Variants in OPHN1 observed in about 807,000 individuals in gnomAD.
The protein encoded by OPHN1 is oligophrenin-1.
Under a neutral mutation model 60.7 loss-of-function variants are expected in OPHN1, and 11 were observed. The observed-to-expected ratio is 0.18, with a 90% confidence interval of 0.11 to 0.30. OPHN1 has a LOEUF of 0.30. Ranked by LOEUF, OPHN1 falls within the 10% of genes least tolerant of loss-of-function variation. The probability of loss-of-function intolerance (pLI) is 1.00; values close to 1 mark genes in which losing one functional copy is unlikely to be tolerated. For missense variants in OPHN1, 449 were observed against 611.0 expected (o/e 0.73, Z 2.80); for synonymous variants, 226 against 222.6 (o/e 1.02, Z -0.14).
chrX:68,261,563 A>G (rs914178713), intron 5 of OPHN1, among the ~76,000 whole-genome samples: 1 of 111,342 alleles, frequency 9.0e-6, no homozygotes, highest in African/African-American at 3.3e-5. Flanking sequence ...TAAAGTGTAC[A>G]CATGGGGAAG....
At chrX:68,398,189 G>A (rs1468355877) in intron 2 of OPHN1, among the ~76,000 whole-genome samples, 1 of 111,893 alleles carries the variant, frequency 8.9e-6, no homozygotes, top group Non-Finnish European at 1.9e-5. Flanking sequence ...ATTTTGGGGA[G>A]ACACTTTAAT....
chrX:68,076,323 A>G (rs2076953500), intron 19 of OPHN1, among the ~76,000 whole-genome samples: 1 of 110,338 alleles, frequency 9.1e-6, no homozygotes, highest in Non-Finnish European at 1.9e-5. Flanking sequence ...ACCATACCAC[A>G]TGTTGAAAAG....
chrX:68,377,400 CTTTT>C (rs1197999479), intron 2 of OPHN1, among the ~76,000 whole-genome samples: 9 of 107,167 alleles, frequency 8.4e-5, no homozygotes, highest in African/African-American at 2.7e-4. Context: ...CCAGCCTTCT[CTTTT>C]TTTTTATTTT....
intron 15 of OPHN1, among the ~76,000 whole-genome samples, chrX:68,129,662 T>C (rs185337758): frequency 2.7e-5 from 3 of 112,189 alleles, no homozygotes; most frequent in African/African-American, 3.2e-5. Flanking sequence ...AAAACAACTA[T>C]AGAAAGTTAC....
intron 3 of OPHN1, among the ~76,000 whole-genome samples, chrX:68,294,561 A>G (rs763113421): frequency 1.2e-4 from 13 of 107,895 alleles, no homozygotes; most frequent in African/African-American, 4.4e-4. Flanking sequence ...TCATGGTGCT[A>G]TGGTGACATT....
At chrX:68,125,930 AATATATATATATAT>A (rs59058075) in intron 15 of OPHN1, among the ~76,000 whole-genome samples, 389 of 22,261 alleles carry the variant, frequency 0.017, 23 homozygotes, top group African/African-American at 0.04. Flanking sequence ...ACCACTGATC[AATATATATATATAT>A]ATATATATAT....
At chrX:68,181,324 C>T (rs1039883503) in intron 15 of OPHN1, among the ~76,000 whole-genome samples, 3 of 111,407 alleles carry the variant, frequency 2.7e-5, no homozygotes, top group African/African-American at 9.8e-5. Context: ...CTGATAAGAT[C>T]CTGCAAAATC....
intron 20 of OPHN1, among the ~76,000 whole-genome samples, chrX:68,069,136 G>A (rs2147366074): frequency 8.9e-6 from 1 of 112,008 alleles, no homozygotes; most frequent in African/African-American, 3.2e-5. Context: ...CTGTCCCAAA[G>A]CCCTCATCAC....
chrX:68,368,216 C>T (rs1040541957), intron 2 of OPHN1, among the ~76,000 whole-genome samples: 1 of 110,786 alleles, frequency 9.0e-6, no homozygotes, highest in Non-Finnish European at 1.9e-5. Flanking sequence ...GAATGGTTTC[C>T]TTGGACAATG....
At chrX:68,409,071 C>T (rs1358582321) in intron 2 of OPHN1, among the ~76,000 whole-genome samples, 1 of 112,499 alleles carries the variant, frequency 8.9e-6, no homozygotes, top group Non-Finnish European at 1.9e-5. Flanking sequence ...AAGTCTCAAT[C>T]GACATTTCCT....
At chrX:68,203,163 G>A (rs2077542895) in intron 10 of OPHN1, among the ~76,000 whole-genome samples, 1 of 111,496 alleles carries the variant, frequency 9.0e-6, no homozygotes, top group South Asian at 3.8e-4. Context: ...GCTGAGGCAG[G>A]AGAATCGCTT....
At chrX:68,069,153 G>C (rs985355712) in intron 20 of OPHN1, among the ~76,000 whole-genome samples, 6 of 111,990 alleles carry the variant, frequency 5.4e-5, no homozygotes, top group African/African-American at 1.9e-4. Context: ...TCACCACAGA[G>C]GGGCAAATTG....
chrX:68,085,409 C>T (rs1247527367), intron 19 of OPHN1, among the ~76,000 whole-genome samples: 1 of 112,138 alleles, frequency 8.9e-6, no homozygotes, highest in Non-Finnish European at 1.9e-5. Flanking sequence ...CCTTGCTTTA[C>T]TTTTTCTTCA....
intron 2 of OPHN1, among the ~76,000 whole-genome samples, chrX:68,337,366 G>A (rs949355781): frequency 7.2e-5 from 8 of 111,176 alleles, no homozygotes; most frequent in Admixed American, 4.9e-4. Flanking sequence ...TAACAGCACC[G>A]AATGCAAAAT....
intron 9 of OPHN1, among the ~76,000 whole-genome samples, chrX:68,207,191 C>T (rs2077563533): frequency 9.4e-6 from 1 of 106,908 alleles, no homozygotes; most frequent in Admixed American, 1.0e-4. Flanking sequence ...TGCAGTGGCG[C>T]AATCTCAGCT....
intron 2 of OPHN1, among the ~76,000 whole-genome samples, chrX:68,429,847 C>T (rs1433195788): frequency 9.0e-6 from 1 of 111,274 alleles, no homozygotes; most frequent in African/African-American, 3.3e-5. Flanking sequence ...ACCAGCCTGG[C>T]CAATATGGTG....
intron 2 of OPHN1, among the ~76,000 whole-genome samples, chrX:68,401,471 C>T (rs1221079097): frequency 8.9e-6 from 1 of 112,194 alleles, no homozygotes; most frequent in Non-Finnish European, 1.9e-5. Flanking sequence ...CCCTAAGTTT[C>T]AAATTGTACC....
chrX:68,129,956 T>C (rs1053254961), intron 15 of OPHN1, among the ~76,000 whole-genome samples: 26 of 111,579 alleles, frequency 2.3e-4, no homozygotes, highest in Admixed American at 9.5e-5. Context: ...CAGTTGTATT[T>C]TGGGCTCTTA....
chrX:68,399,622 C>T (rs1465354874), intron 2 of OPHN1, among the ~76,000 whole-genome samples: 2 of 110,568 alleles, frequency 1.8e-5, no homozygotes, highest in Non-Finnish European at 3.8e-5. Flanking sequence ...GAGCCGAGAT[C>T]GTGCCACTGC....
Sources: gnomAD v4.1 joint callset for allele counts (sites outside exome capture counted in the v4.1 genomes callset) on GRCh38, gnomAD v4.1.1 for gene constraint, MANE v1.5 for transcripts, NCBI Gene and HGNC (gene_info 2026-07-23, HGNC 2026-07-21) for gene names.